The following ZMAT4 variants were observed in gnomAD, a reference collection of about 807,000 sequenced individuals.
The protein encoded by ZMAT4 is zinc finger matrin-type protein 4.
Under a neutral mutation model 28.7 loss-of-function variants are expected in ZMAT4, and 17 were observed. That is an observed-to-expected ratio of 0.59 (90% CI 0.41 to 0.89). The LOEUF (loss-of-function observed/expected upper bound fraction) is 0.89, where lower values mean the gene tolerates loss of function less well. Among genes scored for constraint, ZMAT4 ranks in the 40% least tolerant of loss-of-function variants. The pLI, the probability that ZMAT4 is intolerant of heterozygous loss-of-function variation, is 0.00. For missense variants in ZMAT4, 240 were observed against 283.8 expected, an observed-to-expected ratio of 0.85 and a Z score of 1.11; for synonymous variants, 117 against 109.2, an observed-to-expected ratio of 1.07 and a Z score of -0.44.
At chr8:40,726,215 G>A (rs748044266) in intron 3 of ZMAT4, among the ~76,000 whole-genome samples, 3 of 152,138 alleles carry the variant, frequency 2.0e-5, no homozygotes, top group Non-Finnish European at 4.4e-5. Context: ...CTCTGAAGTC[G>A]GAACATGTTG....
At chr8:40,581,064 C>A in intron 6 of ZMAT4, 101 bp downstream of exon 6, 1 of 927,214 alleles carries the variant, frequency 1.1e-6, no homozygotes, top group South Asian at 1.7e-5. Context: ...GATGTAATTT[C>A]CACTCTACTT....
Position 40,719,397 on chromosome 8 carries a change from G to A in ZMAT4, c.193-21996C>T, listed in dbSNP as rs539539880. Among the ~76,000 whole-genome samples, 6 of 152,010 alleles carry A rather than the reference G, an allele frequency of 3.9e-5. No homozygotes were observed. In the South Asian group the frequency reaches 6.2e-4, roughly 16 times the overall value. On this transcript the variant is annotated intron_variant, in intron 3 of 6. Transcript: ENST00000297737. ...TCGGAGGTTGCAGTGAGCTGAGATC[G>A]TGCCATCCAACCTGGGTGTCACGCA...
intron 5 of ZMAT4, among the ~76,000 whole-genome samples, chr8:40,643,667 C>T (rs988503921): frequency 3.3e-5 from 5 of 151,750 alleles, no homozygotes; most frequent in Non-Finnish European, 7.4e-5. Flanking sequence ...AGAGAGGAAG[C>T]GAGCCCAGCC....
chr8:40,746,919 CT>C (rs1308352620), intron 3 of ZMAT4, among the ~76,000 whole-genome samples: 1 of 152,162 alleles, frequency 6.6e-6, no homozygotes, highest in East Asian at 1.9e-4. Flanking sequence ...CCTGTGCACC[CT>C]TCAGATGCCA....
chr8:40,858,118 T>C (rs982088000), intron 1 of ZMAT4, among the ~76,000 whole-genome samples: 3 of 152,130 alleles, frequency 2.0e-5, no homozygotes, highest in African/African-American at 4.8e-5. Flanking sequence ...ACACTTAAGA[T>C]CTATGCGTTT....
At chr8:40,534,374 CAAGAAG>C (rs1802782237) in intron 6 of ZMAT4, among the ~76,000 whole-genome samples, 2 of 152,118 alleles carry the variant, frequency 1.3e-5, no homozygotes, top group African/African-American at 4.8e-5. Context: ...CCATCCAATC[CAAGAAG>C]AAAATTCTTT....
chr8:40,845,598 C>T (rs564066319), intron 1 of ZMAT4, among the ~76,000 whole-genome samples: 1 of 151,502 alleles, frequency 6.6e-6, no homozygotes, highest in Non-Finnish European at 1.5e-5. Context: ...TAACTACAGG[C>T]AAGACAGGGG....
intron 1 of ZMAT4, among the ~76,000 whole-genome samples, chr8:40,851,450 C>G (rs186673608): frequency 6.6e-6 from 1 of 152,284 alleles, no homozygotes; most frequent in East Asian, 1.9e-4. Context: ...CAAATAAAAT[C>G]TACTGTCTAG....
At chr8:40,555,671 T>C (rs1803510333) in intron 6 of ZMAT4, among the ~76,000 whole-genome samples, 2 of 152,174 alleles carry the variant, frequency 1.3e-5, no homozygotes, top group Admixed American at 6.5e-5. Flanking sequence ...ATACTGTCTC[T>C]TTTACGGTCT....
intron 5 of ZMAT4, among the ~76,000 whole-genome samples, chr8:40,646,462 T>C (rs2589926): frequency 0.57 from 85,779 of 151,798 alleles, 24,916 homozygotes; most frequent in East Asian, 0.69. Context: ...TCTTATTCTT[T>C]ATGTGATAGT....
intron 6 of ZMAT4, among the ~76,000 whole-genome samples, chr8:40,546,466 A>C (rs1803206476): frequency 6.6e-6 from 1 of 152,208 alleles, no homozygotes; most frequent in Non-Finnish European, 1.5e-5. Flanking sequence ...ATAGACAAAA[A>C]GAAATTGATT....
chr8:40,760,716 C>CTT (rs1812897932), intron 3 of ZMAT4, among the ~76,000 whole-genome samples: 1 of 151,066 alleles, frequency 6.6e-6, no homozygotes, highest in South Asian at 2.1e-4. Flanking sequence ...GTCTCTCTCT[C>CTT]TCTCTCTCTC....
chr8:40,839,739 A>G (rs564103786), intron 1 of ZMAT4, among the ~76,000 whole-genome samples: 6 of 152,336 alleles, frequency 3.9e-5, no homozygotes, highest in African/African-American at 1.4e-4. Flanking sequence ...GTTCTCACTC[A>G]TAAGTAGGTG....
At chr8:40,705,119 T>C (rs1166891473) in intron 3 of ZMAT4, among the ~76,000 whole-genome samples, 1 of 152,242 alleles carries the variant, frequency 6.6e-6, no homozygotes, top group Non-Finnish European at 1.5e-5. Flanking sequence ...TGAAGATTTC[T>C]ACTGAAGAGA....
At chr8:40,837,520 C>T (rs1028222563) in intron 1 of ZMAT4, among the ~76,000 whole-genome samples, 2 of 152,186 alleles carry the variant, frequency 1.3e-5, no homozygotes, top group African/African-American at 2.4e-5. Flanking sequence ...AAAAAGAATA[C>T]ACAAAGTGCA....
intron 3 of ZMAT4, among the ~76,000 whole-genome samples, chr8:40,713,870 C>T: frequency 7.0e-6 from 1 of 142,444 alleles, no homozygotes. Flanking sequence ...GATCCCACCA[C>T]TGCACTCCAG....
chr8:40,645,944 G>A (rs1417627442), intron 5 of ZMAT4, among the ~76,000 whole-genome samples: 1 of 151,846 alleles, frequency 6.6e-6, no homozygotes, highest in Non-Finnish European at 1.5e-5. Context: ...TTTACCACTA[G>A]AATCATAATC....
chr8:40,619,148 G>T (rs1806115288), intron 5 of ZMAT4, among the ~76,000 whole-genome samples: 1 of 152,100 alleles, frequency 6.6e-6, no homozygotes, highest in Non-Finnish European at 1.5e-5. Context: ...CTGGCCACAG[G>T]GACATCAAAG....
chr8:40,679,542 C>A (rs183971713), intron 4 of ZMAT4, among the ~76,000 whole-genome samples: 1 of 152,112 alleles, frequency 6.6e-6, no homozygotes, highest in Non-Finnish European at 1.5e-5. Context: ...AAGCAAAGGA[C>A]GGGAAGGCCC....
Sources: allele counts gnomAD v4.1 joint callset (sites outside exome capture counted in the v4.1 genomes callset), GRCh38; gene constraint gnomAD v4.1.1; transcripts MANE v1.5; gene names NCBI Gene and HGNC (gene_info 2026-07-23, HGNC 2026-07-21).